NRG2: variants seen among roughly 807,000 people sequenced by gnomAD.
NRG2 encodes pro-neuregulin-2, membrane-bound isoform.
NRG2 carries 27 observed loss-of-function variants against 73.9 expected under a neutral mutation model. The ratio of observed to expected loss-of-function variants is 0.37; its 90% CI spans 0.27 to 0.50. The LOEUF (loss-of-function observed/expected upper bound fraction) is 0.50, where lower values mean the gene tolerates loss of function less well. Ranked by LOEUF, NRG2 falls within the 20% of genes least tolerant of loss-of-function variation. The pLI, the probability that NRG2 is intolerant of heterozygous loss-of-function variation, is 0.96. For missense variants in NRG2, 1,126 were observed against 1,210.1 expected (o/e 0.93, Z 1.03); for synonymous variants, 532 against 541.0 (o/e 0.98, Z 0.23).
rs3056594 is a variant in NRG2, at chr5:139,932,221, A to AGTGTGT, written c.701-44716_701-44711dup. On this transcript the variant is annotated intron_variant, in intron 1 of 9. Transcript: ENST00000361474. Reference sequence around the variant, plus strand: ...ATGGATGAATGGATAAAGAAAATGTAGTGTGTGTGTGTGTGTGTGTGTGTG... The same window carrying AGTGTGT: ...ATGGATGAATGGATAAAGAAAATGTAGTGTGTGTGTGTGTGTGTGTGTGTGTGTGTG... Among the ~76,000 whole-genome samples the AGTGTGT allele has an allele frequency of 3.3e-3, 464 of 141,446 alleles. 1 individual carries two copies. The highest frequency in any genetic ancestry group is 8.1e-3 in the African/African-American group (312 of 38,564). 92.8% of individuals were successfully genotyped at this position (141,446 alleles called of 152,430 possible). A position where few individuals can be genotyped will look rare whatever the true frequency, so the allele number is the denominator to read the frequency against.
intron 1 of NRG2, among the ~76,000 whole-genome samples, chr5:139,959,136 C>T (rs1397795526): frequency 3.9e-5 from 6 of 152,200 alleles, no homozygotes; most frequent in Admixed American, 3.3e-4. Context: ...GAGCATTGTA[C>T]AGGAGAGGGT....
At chr5:139,952,564 G>A (rs1754291285) in intron 1 of NRG2, among the ~76,000 whole-genome samples, 1 of 152,138 alleles carries the variant, frequency 6.6e-6, no homozygotes, top group Non-Finnish European at 1.5e-5. Flanking sequence ...TTTCAAGTGG[G>A]TCCTTCCCAC....
chr5:139,943,129 C>T (rs1561697410), intron 1 of NRG2, among the ~76,000 whole-genome samples: 1 of 152,022 alleles, frequency 6.6e-6, no homozygotes, highest in Non-Finnish European at 1.5e-5. Flanking sequence ...GTGCGAGCCA[C>T]CGTGTCTGGC....
Position 139,960,084 on chromosome 5 carries a change from C to T in NRG2, c.701-72573G>A, listed in dbSNP as rs113306802. ...AAGGTTCCTGGGAATTCATTCCACA[C>T]ATCAATTGCCACTAAATGAGGAAGA... On this transcript the variant is annotated intron_variant, in intron 1 of 9. Coordinates refer to ENST00000361474, the MANE Select transcript of NRG2 (RefSeq NM_004883.3). Among the ~76,000 whole-genome samples, 328 of 152,312 alleles carry T rather than the reference C, an allele frequency of 2.2e-3. 1 individual carries two copies. The highest frequency in any genetic ancestry group is 3.1e-3 in the Admixed American group (47 of 15,304).
rs557780652 is a variant in NRG2 at position 139,865,280 on chromosome 5, C to T, written c.1189+269G>A. Reference sequence around the variant, plus strand: ...CAATGCCAGCTGGGTTCCTTGCCACCGTTACCATTTGTATTGGCCTTGCCA... The same window carrying T: ...CAATGCCAGCTGGGTTCCTTGCCACTGTTACCATTTGTATTGGCCTTGCCA... On this transcript the variant is annotated intron_variant, in intron 5 of 9. Coordinates refer to ENST00000361474, the MANE Select transcript of NRG2 (RefSeq NM_004883.3). This position sits in a 1 kb window ranked among gnomAD's most constrained non-coding sequence, Gnocchi z 5.2. The T allele has an allele frequency of 3.2e-4, 299 of 947,022 alleles. No homozygotes were observed. The highest frequency in any genetic ancestry group is 4.6e-4 in the Non-Finnish European group (272 of 586,786). 58.7% of individuals were successfully genotyped at this position (947,022 alleles called of 1,614,324 possible).
At chr5:140,006,795 CT>C (rs1758938194) in intron 1 of NRG2, among the ~76,000 whole-genome samples, 1 of 152,122 alleles carries the variant, frequency 6.6e-6, no homozygotes, top group East Asian at 1.9e-4. Flanking sequence ...TTCTTTTATA[CT>C]TCTCTGTTTC....
chr5:139,904,453 C>A lies in NRG2; in HGVS notation c.701-16942G>T. ...CTCAGCTCTCCGCTGCCGCGCTGCG[C>A]CCCCGCCGCCTGCAGCCTCAGTGCC... On this transcript the variant is annotated intron_variant, in intron 1 of 9. Coordinates refer to ENST00000361474, the MANE Select transcript of NRG2 (RefSeq NM_004883.3). This position sits in a 1 kb window ranked among gnomAD's most constrained non-coding sequence, Gnocchi z 6.0. 9.3e-7 allele frequency: 1 copy of A among 1,072,982 alleles called. No individual in the cohort carries two copies. The allele number at this position is 1,072,982 out of a possible 1,614,324, so 66.5% of individuals were successfully genotyped here. A position where few individuals can be genotyped will look rare whatever the true frequency, so the allele number is the denominator to read the frequency against.
At chr5:139,937,369 C>T (rs11948874) in intron 1 of NRG2, among the ~76,000 whole-genome samples, 4,021 of 152,128 alleles carry the variant, frequency 0.026, 69 homozygotes, top group Middle Eastern at 0.065. Context: ...TCATACTTAA[C>T]GGCAAAAAAT....
Position 140,043,096 on chromosome 5 carries a change from C to G in NRG2, c.-27G>C. 6.4e-7 allele frequency: 1 copy of G among 1,569,514 alleles called. No homozygotes were observed. Among genetic ancestry groups the G allele is most frequent in the Non-Finnish European group, 8.6e-7 (1 of 1,167,484 alleles). On this transcript the variant is annotated 5_prime_UTR_variant, in exon 1 of 10. Coordinates refer to ENST00000361474, the MANE Select transcript of NRG2 (RefSeq NM_004883.3). This position sits in a 1 kb window ranked among gnomAD's most constrained non-coding sequence, Gnocchi z 6.7. Reference sequence around the variant, plus strand: ...TGGCCAGGCCATTTGGGGGGCTCCGCCGCTCAGCCGCCGCCGCCTTGGGAG... The same window carrying G: ...TGGCCAGGCCATTTGGGGGGCTCCGGCGCTCAGCCGCCGCCGCCTTGGGAG...
rs1754564521 is a variant in NRG2 at position 139,955,637 on chromosome 5, T to G, written c.701-68126A>C. 5.3e-5 allele frequency among the ~76,000 whole-genome samples: 8 copies of G among 152,158 alleles called. No individual in the cohort carries two copies. In the South Asian group the frequency reaches 1.7e-3, roughly 32 times the overall value. On this transcript the variant is annotated intron_variant, in intron 1 of 9. Transcript: ENST00000361474. ...TGCCAGACTTGTCTCCTCAGGAGAT[T>G]AGAACCCAGTGTCTTCCCACGTCTC...
At chr5:139,961,779 G>A (rs72796722) in intron 1 of NRG2, among the ~76,000 whole-genome samples, 2,083 of 152,290 alleles carry the variant, frequency 0.014, 22 homozygotes, top group Middle Eastern at 0.065. Context: ...CTGCTATCAG[G>A]CCATCCTCAG....
At chr5:139,936,867 T>A (rs1039443441) in intron 1 of NRG2, among the ~76,000 whole-genome samples, 2 of 152,382 alleles carry the variant, frequency 1.3e-5, no homozygotes, top group South Asian at 4.1e-4. Flanking sequence ...AGTGATGTGA[T>A]CTCAGCTCAC....
At chr5:139,957,271 G>A (rs560794393) in intron 1 of NRG2, among the ~76,000 whole-genome samples, 1 of 151,542 alleles carries the variant, frequency 6.6e-6, no homozygotes, top group South Asian at 2.1e-4. Flanking sequence ...GTAGAGATGG[G>A]AACTAGCTGG....
chr5:139,970,952 T>G (rs542726882), intron 1 of NRG2, among the ~76,000 whole-genome samples: 1 of 152,222 alleles, frequency 6.6e-6, no homozygotes, highest in Non-Finnish European at 1.5e-5. Context: ...TTTTTCTTTT[T>G]TTTTTATTTT....
chr5:140,028,249 G>A (rs764852184), intron 1 of NRG2, among the ~76,000 whole-genome samples: 2 of 152,208 alleles, frequency 1.3e-5, no homozygotes, highest in African/African-American at 2.4e-5. Context: ...TGTGTCATTT[G>A]AGGAAGCTAG....
intron 5 of NRG2, among the ~76,000 whole-genome samples, chr5:139,862,263 A>C (rs745734324): frequency 1.3e-5 from 2 of 152,316 alleles, no homozygotes; most frequent in Non-Finnish European, 2.9e-5. Context: ...TCTTTGAGTC[A>C]AAGGCCAGTA....
intron 9 of NRG2, 78 bp from the exon 10 acceptor site, chr5:139,848,775 G>GTT: frequency 1.7e-6 from 1 of 601,720 alleles, no homozygotes; most frequent in Non-Finnish European, 2.4e-6. Context: ...GTGGGGTAGG[G>GTT]TGGGAGGGGC....
At position 139,870,312 on chromosome 5, in the gene NRG2, C is replaced by T. The variant is rs571689833; in HGVS notation, c.1112+1409G>A. 1.3e-5 allele frequency among the ~76,000 whole-genome samples: 2 copies of T among 152,172 alleles called. No homozygotes were observed. The highest frequency in any genetic ancestry group is 4.2e-4 in the South Asian group (2 of 4,818). ...AGGGCCTGTTGTTGCTACTGGGACT[C>T]TCCTCTAAGGTTCAGGGAGGGGGAG... On this transcript the variant is annotated intron_variant, in intron 4 of 9. Transcript: ENST00000361474. The surrounding 1 kb of genome is among the most constrained non-coding windows in gnomAD (Gnocchi z 4.4).
At chr5:139,855,970 G>C (rs572180985) in intron 5 of NRG2, among the ~76,000 whole-genome samples, 192 bp from the exon 6 acceptor site, 1 of 152,236 alleles carries the variant, frequency 6.6e-6, no homozygotes, top group Non-Finnish European at 1.5e-5. Flanking sequence ...CTTCCCTGCA[G>C]CTCCCACCCA....
Sources: allele counts gnomAD v4.1 joint callset (sites outside exome capture counted in the v4.1 genomes callset), GRCh38; gene constraint gnomAD v4.1.1; non-coding constraint Gnocchi (gnomAD v3.1); transcripts MANE v1.5; gene names NCBI Gene and HGNC (gene_info 2026-07-23, HGNC 2026-07-21).